CTNNA3: variants seen among roughly 807,000 people sequenced by gnomAD.
CTNNA3 encodes the protein catenin alpha 3, also known as catenin alpha-3.
A neutral mutation model predicts 95.7 loss-of-function variants in CTNNA3; 76 were observed. That is an observed-to-expected ratio of 0.79 (90% confidence interval 0.66 to 0.96). The LOEUF (loss-of-function observed/expected upper bound fraction) is 0.96, where lower values mean the gene tolerates loss of function less well. Among genes scored for constraint, CTNNA3 ranks in the 40% least tolerant of loss-of-function variants. The pLI is 0.00. For synonymous variants in CTNNA3, 431 were observed against 374.4 expected (o/e 1.15, Z -1.74); for missense variants, 1,191 against 1,089.8 (o/e 1.09, Z -1.31).
In CTNNA3 at chr10:66,280,580, C is replaced by A. The variant is rs1246325935; in HGVS notation, c.1774G>T (p.Ala592Ser). The A allele has an allele frequency of 1.9e-6, 3 of 1,608,380 alleles. No homozygotes were observed. Among genetic ancestry groups the A allele is most frequent in the Non-Finnish European group, 8.5e-7 (1 of 1,177,500 alleles). The change falls in exon 13 of 18, where the codon GCC (alanine) becomes TCC (serine). Residue 592 changes from alanine (A) to serine (S), a missense_variant. Transcript: ENST00000433211. Reference protein sequence around the residue: ...FVTQVNVALEALSKSSLNVLD... With the variant: ...FVTQVNVALESLSKSSLNVLD... The stretch of plus-strand genomic sequence containing the variant: ...ACATTCAATGAGCTTTTGCTTAAGG[C>A]TTCCAAGGCAACATTCACTTGTGTT...
At chr10:67,108,417 T>C (rs1401116259) in intron 7 of CTNNA3, among the ~76,000 whole-genome samples, 1 of 152,152 alleles carries the variant, frequency 6.6e-6, no homozygotes, top group African/African-American at 2.4e-5. Flanking sequence ...TCAATGTGTC[T>C]TCTATATATT....
chr10:66,562,641 C>A (rs916762497), intron 10 of CTNNA3, among the ~76,000 whole-genome samples: 1 of 151,982 alleles, frequency 6.6e-6, no homozygotes, highest in South Asian at 2.1e-4. Context: ...GTGGTCTGAG[C>A]ATAGAATATA....
chr10:67,036,492 C>T (rs1854066131), intron 7 of CTNNA3, among the ~76,000 whole-genome samples: 1 of 151,954 alleles, frequency 6.6e-6, no homozygotes, highest in Admixed American at 6.6e-5. Flanking sequence ...GGTGAAACCC[C>T]GTCTCTACTA....
intron 13 of CTNNA3, among the ~76,000 whole-genome samples, chr10:66,261,423 T>G (rs1002317195): frequency 2.0e-5 from 3 of 152,098 alleles, no homozygotes; most frequent in Admixed American, 1.3e-4. Flanking sequence ...TGCAATTCTT[T>G]AAGTAATATT....
chr10:66,072,609 T>G (rs976863375), intron 14 of CTNNA3, among the ~76,000 whole-genome samples: 3 of 152,038 alleles, frequency 2.0e-5, no homozygotes, highest in African/African-American at 7.2e-5. Flanking sequence ...TGTGCCCAGC[T>G]AATTTTTGTA....
chr10:66,416,107 T>C (rs34143047), intron 11 of CTNNA3, among the ~76,000 whole-genome samples: 34,615 of 151,952 alleles, frequency 0.23, 4,171 homozygotes, highest in South Asian at 0.3. Flanking sequence ...AACAAAGTGA[T>C]AGATAACGTA....
chr10:67,727,083 T>G (rs1171116457), intron 1 of CTNNA3, among the ~76,000 whole-genome samples: 2 of 109,788 alleles, frequency 1.8e-5, no homozygotes, highest in East Asian at 4.7e-4. Context: ...GATACATATA[T>G]GATATAATTA....
intron 7 of CTNNA3, among the ~76,000 whole-genome samples, chr10:66,908,481 C>A (rs1285641176): frequency 6.6e-6 from 1 of 152,112 alleles, no homozygotes; most frequent in African/African-American, 2.4e-5. Flanking sequence ...CTGGTGCAGA[C>A]TACCAAAGAC....
intron 15 of CTNNA3, among the ~76,000 whole-genome samples, chr10:65,994,889 A>G (rs759155375): frequency 1.3e-5 from 2 of 152,140 alleles, no homozygotes; most frequent in Non-Finnish European, 2.9e-5. Flanking sequence ...TATTTAAAAA[A>G]TCCTTTATTC....
chr10:67,700,351 G>A (rs534114594), upstream of CTNNA3, among the ~76,000 whole-genome samples: 7 of 152,246 alleles, frequency 4.6e-5, no homozygotes, highest in Non-Finnish European at 1.0e-4. Context: ...CTTGACCCCC[G>A]AGCAGCCTAA....
At chr10:66,293,912 A>T (rs2091732593) in intron 12 of CTNNA3, among the ~76,000 whole-genome samples, 1 of 151,732 alleles carries the variant, frequency 6.6e-6, no homozygotes, top group Admixed American at 6.6e-5. Context: ...TGATCTGCCC[A>T]CCTCTGCCTC....
At chr10:65,943,191 G>T (rs369286771) in intron 17 of CTNNA3, among the ~76,000 whole-genome samples, 335 of 151,946 alleles carry the variant, frequency 2.2e-3, no homozygotes, top group African/African-American at 7.7e-3. Context: ...AGCTTCCCAA[G>T]TAGCTGGGAC....
intron 17 of CTNNA3, among the ~76,000 whole-genome samples, chr10:65,961,288 A>G (rs910985038): frequency 1.3e-5 from 2 of 152,014 alleles, no homozygotes; most frequent in African/African-American, 4.8e-5. Context: ...TTTATCTGTC[A>G]TTGCATACTC....
chr10:66,169,728 G>A (rs761780763), intron 13 of CTNNA3, among the ~76,000 whole-genome samples: 9 of 152,198 alleles, frequency 5.9e-5, no homozygotes, highest in Non-Finnish European at 1.3e-4. Context: ...GCAGGAGTAA[G>A]ATGGTATTGC....
chr10:66,032,970 A>G (rs897759867), intron 15 of CTNNA3, among the ~76,000 whole-genome samples: 4 of 152,076 alleles, frequency 2.6e-5, no homozygotes, highest in Non-Finnish European at 5.9e-5. Context: ...AAATAGCCAC[A>G]TTCATTGTAC....
At chr10:66,903,367 G>A (rs1417365094) in intron 7 of CTNNA3, among the ~76,000 whole-genome samples, 1 of 152,162 alleles carries the variant, frequency 6.6e-6, no homozygotes, top group Non-Finnish European at 1.5e-5. Flanking sequence ...AGGTATTGAT[G>A]GAATGTATCT....
At chr10:66,976,376 A>G (rs867089043) in intron 7 of CTNNA3, among the ~76,000 whole-genome samples, 7 of 152,114 alleles carry the variant, frequency 4.6e-5, no homozygotes, top group African/African-American at 1.4e-4. Flanking sequence ...CAGACAAAGA[A>G]AAACATGTCA....
intron 1 of CTNNA3, among the ~76,000 whole-genome samples, chr10:67,679,971 T>C (rs902985131): frequency 6.6e-6 from 1 of 152,232 alleles, no homozygotes; most frequent in African/African-American, 2.4e-5. Flanking sequence ...TGTGCATTAA[T>C]AAGGGACTGG....
intron 7 of CTNNA3, among the ~76,000 whole-genome samples, chr10:66,864,389 C>A (rs1844078676): frequency 6.6e-6 from 1 of 152,218 alleles, no homozygotes; most frequent in South Asian, 2.1e-4. Context: ...CTTCCACCTT[C>A]CCATGTAATG....
Sources: gnomAD v4.1 joint callset for allele counts (sites outside exome capture counted in the v4.1 genomes callset) on GRCh38, gnomAD v4.1.1 for gene constraint, MANE v1.5 for transcripts, NCBI Gene and HGNC (gene_info 2026-07-23, HGNC 2026-07-21) for gene names.